Variants in CD59 observed in about 807,000 individuals in gnomAD.
CD59 encodes CD59 glycoprotein.
CD59 carries 3 observed loss-of-function variants against 7.0 expected under a neutral mutation model. The observed-to-expected ratio is 0.43, with a 90% CI of 0.19 to 1.10. CD59 has a LOEUF of 1.10. CD59 is among the 50% of genes least tolerant of loss of function. CD59 has a pLI of 0.29. For synonymous variants in CD59, 60 were observed against 62.0 expected (o/e 0.97, Z 0.15); for missense variants, 143 against 151.0 (o/e 0.95, Z 0.28).
rs927627015 is a variant in CD59 at position 33,706,333 on chromosome 11, T to G, written c.*3793A>C. 5.3e-5 allele frequency: 8 copies of G among 152,066 alleles called. No individual in the cohort carries two copies. The highest frequency in any genetic ancestry group is 5.2e-4 in the Admixed American group (8 of 15,270). 9.4% of individuals were successfully genotyped at this position (152,066 alleles called of 1,614,324 possible). A position where few individuals can be genotyped will look rare whatever the true frequency, so the allele number is the denominator to read the frequency against. On this transcript the variant is annotated 3_prime_UTR_variant, in exon 4 of 4. Coordinates refer to ENST00000642928, the MANE Select transcript of CD59 (RefSeq NM_000611.6). The stretch of plus-strand genomic sequence containing the variant: ...TTATATTGAATAACCTGTAAGTAAT[T>G]TGAAAAAGAGACTTCTGGCTAGTTT...
chr11:33,718,606 AAAGAC>A (rs1853910607), intron 2 of CD59: 1 of 152,264 alleles, frequency 6.6e-6, no homozygotes, highest in African/African-American at 2.4e-5. Flanking sequence ...ACACACTGTC[AAAGAC>A]AAGACAACAG....
chr11:33,725,605 G>A (rs1474669149), intron 1 of CD59, among the ~76,000 whole-genome samples: 1 of 152,190 alleles, frequency 6.6e-6, no homozygotes, highest in African/African-American at 2.4e-5. Context: ...GCTTTCCTGG[G>A]TGGTGCGTAA....
At chr11:33,711,285 G>A (rs1853546188) in intron 3 of CD59, 1 of 632,238 alleles carries the variant, frequency 1.6e-6, no homozygotes, top group East Asian at 2.9e-5. Flanking sequence ...TGGTCAACAT[G>A]GCAAGACCCC....
chr11:33,722,343 C>A (rs765288022), intron 2 of CD59, 36 bp downstream of exon 2: 1 of 1,479,502 alleles, frequency 6.8e-7, no homozygotes, highest in Admixed American at 1.7e-5. Context: ...ATGGCCAAGG[C>A]AGCCTAGATC....
chr11:33,731,184 G>A (rs982696871), intron 1 of CD59, among the ~76,000 whole-genome samples: 5 of 151,986 alleles, frequency 3.3e-5, no homozygotes, highest in African/African-American at 4.8e-5. Flanking sequence ...ATCTTCAACC[G>A]TGTAGGTGGT....
In CD59 at chr11:33,736,210, C is replaced by T. The variant is rs1285295123; in HGVS notation, c.-19+172G>A. 1.3e-5 allele frequency among the ~76,000 whole-genome samples: 2 copies of T among 152,168 alleles called. No individual in the cohort carries two copies. The highest frequency in any genetic ancestry group is 2.4e-5 in the African/African-American group (1 of 41,452). On this transcript the variant is annotated intron_variant, in intron 1 of 3. Coordinates refer to ENST00000642928, the MANE Select transcript of CD59 (RefSeq NM_000611.6). The surrounding 1 kb of genome is among the most constrained non-coding windows in gnomAD (Gnocchi z 4.4). ...TGAAGCCAGCGTTCGGCTAGGACAC[C>T]GGGCCGCGGTGACGGGTTGGAAGGG...
Position 33,709,555 on chromosome 11 carries a change from T to G in CD59, c.*571A>C, listed in dbSNP as rs569450159. 8.5e-5 allele frequency: 14 copies of G among 164,800 alleles called. No individual in the cohort carries two copies. The South Asian group carries it at 1.7e-3, about 20-fold the overall frequency. 10.2% of individuals were successfully genotyped at this position (164,800 alleles called of 1,614,324 possible). On this transcript the variant is annotated 3_prime_UTR_variant, in exon 4 of 4. Coordinates refer to ENST00000642928, the MANE Select transcript of CD59 (RefSeq NM_000611.6). ...TTCAGCCACTTGTACCTCTCTAAGT[T>G]TTCATGCCCTGCTATCTGGAACACT...
intron 3 of CD59, chr11:33,711,609 T>G: frequency 3.6e-6 from 2 of 560,936 alleles, no homozygotes; most frequent in Admixed American, 3.4e-5. Flanking sequence ...CTCAGGACTT[T>G]AAGGCTGCAG....
chr11:33,734,552 T>C (rs2133578973), intron 1 of CD59, among the ~76,000 whole-genome samples: 1 of 152,276 alleles, frequency 6.6e-6, no homozygotes, highest in East Asian at 1.9e-4. Context: ...CTCCCACTTA[T>C]TAGGCCAGAA....
intron 1 of CD59, among the ~76,000 whole-genome samples, chr11:33,735,268 G>A (rs1281847998): frequency 6.6e-6 from 1 of 152,202 alleles, no homozygotes; most frequent in Non-Finnish European, 1.5e-5. Flanking sequence ...CGTTTGTGCT[G>A]AGCGCTTTCC....
At chr11:33,726,527 AGT>A (rs1854264211) in intron 1 of CD59, among the ~76,000 whole-genome samples, 1 of 152,256 alleles carries the variant, frequency 6.6e-6, no homozygotes, top group Admixed American at 6.5e-5. Flanking sequence ...CATTTAAAGC[AGT>A]GTGTAGAGGG....
rs1853283449 is a variant in CD59 at position 33,705,751 on chromosome 11, T to A, written c.*4375A>T. Reference sequence around the variant, plus strand: ...TCTCCCTAATAACCTCCCTTTCATATATACATATATCCTACTAATTCTGTC... The same window carrying A: ...TCTCCCTAATAACCTCCCTTTCATAAATACATATATCCTACTAATTCTGTC... On this transcript the variant is annotated 3_prime_UTR_variant, in exon 4 of 4. Coordinates refer to ENST00000642928, the MANE Select transcript of CD59 (RefSeq NM_000611.6). 1 of 152,240 alleles carries A rather than the reference T, an allele frequency of 6.6e-6. No individual in the cohort carries two copies. Among genetic ancestry groups the A allele is most frequent in the Non-Finnish European group, 1.5e-5 (1 of 68,048 alleles). The allele number at this position is 152,240 out of a possible 1,614,324, so 9.4% of individuals were successfully genotyped here.
intron 1 of CD59, among the ~76,000 whole-genome samples, chr11:33,724,951 C>T (rs1409893569): frequency 1.3e-5 from 2 of 151,818 alleles, no homozygotes; most frequent in East Asian, 3.9e-4. Flanking sequence ...AAGAGCAAAA[C>T]GTTCATATGG....
Position 33,717,730 on chromosome 11 carries a change from T to C in CD59, c.68-259A>G. The C allele has an allele frequency of 4.6e-6, 2 of 437,580 alleles. 1 individual carries two copies. The highest frequency in any genetic ancestry group is 9.8e-5 in the East Asian group (2 of 20,322). The allele number at this position is 437,580 out of a possible 1,614,324, so 27.1% of individuals were successfully genotyped here. A position where few individuals can be genotyped will look rare whatever the true frequency, so the allele number is the denominator to read the frequency against. On this transcript the variant is annotated intron_variant, in intron 2 of 3. Coordinates refer to ENST00000642928, the MANE Select transcript of CD59 (RefSeq NM_000611.6). ...GCAATTGAGAAGCTTCCTCCTAACC[T>C]GCAACTGGAAGGAGATTAGTCTGCA...
intron 2 of CD59, among the ~76,000 whole-genome samples, chr11:33,721,431 G>A (rs961271448): frequency 3.3e-5 from 5 of 152,194 alleles, no homozygotes; most frequent in Non-Finnish European, 7.3e-5. Flanking sequence ...AATATTCTAA[G>A]ACATGCTACA....
At chr11:33,719,922 T>C (rs907924460) in intron 2 of CD59, among the ~76,000 whole-genome samples, 1 of 152,204 alleles carries the variant, frequency 6.6e-6, no homozygotes, top group Non-Finnish European at 1.5e-5. Context: ...TTCACACGCA[T>C]GAAATGAAAA....
Position 33,711,331 on chromosome 11 carries a change from A to G in CD59, c.170-988T>C, listed in dbSNP as rs1590515778. 4.4e-6 allele frequency: 3 copies of G among 688,982 alleles called. No homozygotes were observed. In the East Asian group the frequency reaches 8.2e-5, roughly 19 times the overall value. 42.7% of individuals were successfully genotyped at this position (688,982 alleles called of 1,614,324 possible). A position where few individuals can be genotyped will look rare whatever the true frequency, so the allele number is the denominator to read the frequency against. ...CTTTTTTAAAGTCATATGTAAGAGCATAGTATCCAGGATATAGAAAACATT... is the reference window on the plus strand; with the variant it reads ...CTTTTTTAAAGTCATATGTAAGAGCGTAGTATCCAGGATATAGAAAACATT... On this transcript the variant is annotated intron_variant, in intron 3 of 3. Coordinates refer to ENST00000642928, the MANE Select transcript of CD59 (RefSeq NM_000611.6).
intron 3 of CD59, among the ~76,000 whole-genome samples, chr11:33,716,584 C>G (rs1226298432): frequency 6.6e-6 from 1 of 152,244 alleles, no homozygotes. Flanking sequence ...CCAGCAAGAA[C>G]AGAGGGCATG....
In CD59 at chr11:33,708,685, G is replaced by A. The variant is rs533197414; in HGVS notation, c.*1441C>T. On this transcript the variant is annotated 3_prime_UTR_variant, in exon 4 of 4. Coordinates refer to ENST00000642928, the MANE Select transcript of CD59 (RefSeq NM_000611.6). ...GAGCACCAAGGTAATGCTAAGTTTTGATAAGCAAGTTTCTATTTTCCTATG... is the reference window on the plus strand; with the variant it reads ...GAGCACCAAGGTAATGCTAAGTTTTAATAAGCAAGTTTCTATTTTCCTATG... The A allele has an allele frequency of 9.2e-5, 14 of 151,384 alleles. No individual in the cohort carries two copies. The South Asian group carries it at 2.9e-3, about 32-fold the overall frequency. 9.4% of individuals were successfully genotyped at this position (151,384 alleles called of 1,614,324 possible).
Sources: gnomAD v4.1 joint callset for allele counts (sites outside exome capture counted in the v4.1 genomes callset) on GRCh38, gnomAD v4.1.1 for gene constraint, Gnocchi (gnomAD v3.1) non-coding constraint, MANE v1.5 for transcripts, NCBI Gene and HGNC (gene_info 2026-07-23, HGNC 2026-07-21) for gene names.